XKR6: variants seen among roughly 807,000 people sequenced by gnomAD.
XKR6 encodes the protein XK related 6.
A neutral mutation model predicts 56.7 loss-of-function variants in XKR6; 22 were observed. The observed-to-expected ratio is 0.39, with a 90% confidence interval of 0.28 to 0.55. The LOEUF is 0.55. XKR6 is among the 20% of genes least tolerant of loss of function. The pLI, the probability that XKR6 is intolerant of heterozygous loss-of-function variation, is 0.66. For synonymous variants in XKR6, 524 were observed against 387.8 expected (o/e 1.35, Z -4.13); for missense variants, 852 against 889.0 (o/e 0.96, Z 0.53).
chr8:10,911,199 C>CATAT (rs1284455130), intron 2 of XKR6, among the ~76,000 whole-genome samples: 1 of 126,286 alleles, frequency 7.9e-6, no homozygotes, highest in Non-Finnish European at 1.7e-5. Flanking sequence ...AGAGGGTGTG[C>CATAT]GTGTGTGTGT....
intron 1 of XKR6, among the ~76,000 whole-genome samples, chr8:11,053,465 T>C (rs1316951580): frequency 6.6e-6 from 1 of 152,120 alleles, no homozygotes; most frequent in Non-Finnish European, 1.5e-5. Context: ...CTGCATCTCT[T>C]CCCCATTCCC....
chr8:11,094,254 T>A (rs909096605), intron 1 of XKR6, among the ~76,000 whole-genome samples: 3 of 152,174 alleles, frequency 2.0e-5, no homozygotes, highest in Admixed American at 2.0e-4. Context: ...TATGTATGTA[T>A]CTCGGCTCAC....
intron 1 of XKR6, among the ~76,000 whole-genome samples, chr8:10,986,407 T>C (rs1797864919): frequency 2.0e-5 from 3 of 152,174 alleles, no homozygotes; most frequent in African/African-American, 7.2e-5. Context: ...AATAAAAGGA[T>C]CTACAAATAT....
At chr8:10,899,783 C>T (rs113054211) in intron 2 of XKR6, among the ~76,000 whole-genome samples, 1 of 152,164 alleles carries the variant, frequency 6.6e-6, no homozygotes, top group Non-Finnish European at 1.5e-5. Flanking sequence ...CCTCCCACAA[C>T]GGGCAAATAT....
At chr8:11,071,208 T>C (rs1358684250) in intron 1 of XKR6, among the ~76,000 whole-genome samples, 1 of 152,186 alleles carries the variant, frequency 6.6e-6, no homozygotes, top group African/African-American at 2.4e-5. Flanking sequence ...TGTGTGGTCA[T>C]TGCTCAGCAT....
At chr8:11,124,492 T>C (rs1261033355) in intron 1 of XKR6, 1 of 162,424 alleles carries the variant, frequency 6.2e-6, no homozygotes, top group African/African-American at 2.4e-5. Flanking sequence ...CTCCATAGAA[T>C]TAGAATAAAA....
chr8:10,986,411 C>A (rs1797865015), intron 1 of XKR6, among the ~76,000 whole-genome samples: 2 of 151,460 alleles, frequency 1.3e-5, no homozygotes, highest in Non-Finnish European at 2.9e-5. Context: ...AAAGGATCTA[C>A]AAATATGGTT....
Position 10,897,938 on chromosome 8 carries a change from T to A in XKR6, c.*14A>T. ...CAAACTTAAGGTCCCCTTCTCAACTTGGTCAAGATGCTCTTAGAGTGAAGA... is the reference window on the plus strand; with the variant it reads ...CAAACTTAAGGTCCCCTTCTCAACTAGGTCAAGATGCTCTTAGAGTGAAGA... On this transcript the variant is annotated 3_prime_UTR_variant, in exon 3 of 3. Transcript: ENST00000416569. 1 of 1,537,480 alleles carries A rather than the reference T, an allele frequency of 6.5e-7. No homozygotes were observed. Among genetic ancestry groups the A allele is most frequent in the Non-Finnish European group, 8.7e-7 (1 of 1,142,900 alleles).
intron 1 of XKR6, among the ~76,000 whole-genome samples, chr8:10,984,025 G>C (rs1209828498): frequency 1.3e-5 from 2 of 152,030 alleles, no homozygotes; most frequent in Non-Finnish European, 2.9e-5. Context: ...TAAAACTATG[G>C]ACCAATCTTA....
intron 1 of XKR6, among the ~76,000 whole-genome samples, chr8:11,063,390 T>C (rs955301331): frequency 1.3e-5 from 2 of 151,764 alleles, no homozygotes; most frequent in Non-Finnish European, 2.9e-5. Context: ...CCTAGCTACT[T>C]GGGAGGCTGA....
intron 1 of XKR6, among the ~76,000 whole-genome samples, chr8:10,981,771 G>C (rs1797740585): frequency 6.6e-6 from 1 of 152,170 alleles, no homozygotes; most frequent in Non-Finnish European, 1.5e-5. Flanking sequence ...TCATATTCTA[G>C]CTTCAGTCTT....
intron 1 of XKR6, among the ~76,000 whole-genome samples, chr8:11,118,436 C>A (rs372488616): frequency 6.6e-6 from 1 of 152,144 alleles, no homozygotes; most frequent in Non-Finnish European, 1.5e-5. Context: ...ACCCTCTGGT[C>A]CTGGACTTTT....
intron 2 of XKR6, among the ~76,000 whole-genome samples, chr8:10,916,932 A>C (rs1024951957): frequency 3.9e-5 from 6 of 152,240 alleles, no homozygotes; most frequent in Non-Finnish European, 8.8e-5. Context: ...GAGAAAGAAG[A>C]AAACTAGCAA....
At chr8:11,174,459 G>A (rs957825594) in intron 1 of XKR6, among the ~76,000 whole-genome samples, 3 of 152,194 alleles carry the variant, frequency 2.0e-5, no homozygotes, top group Admixed American at 6.5e-5. Context: ...GCACCGCATC[G>A]ACTCCAACAC....
At chr8:11,026,158 GACACACCTAGATGGTCTAGCCTACT>G (rs1563353568) in intron 1 of XKR6, among the ~76,000 whole-genome samples, 3 of 149,262 alleles carry the variant, frequency 2.0e-5, no homozygotes, top group South Asian at 2.1e-4. Flanking sequence ...ACACACCTAC[GACACACCTAGATGGTCTAGCCTACT>G]ACACACCTAG....
chr8:10,936,108 G>A (rs1351804685), intron 1 of XKR6, among the ~76,000 whole-genome samples: 1 of 149,898 alleles, frequency 6.7e-6, no homozygotes, highest in South Asian at 2.1e-4. Context: ...TATATATTTA[G>A]GATAGTTAGC....
intron 1 of XKR6, chr8:11,137,671 G>T (rs1290483121): frequency 2.2e-6 from 1 of 456,212 alleles, no homozygotes. Flanking sequence ...ATGCAATGTG[G>T]AGCACAAGCA....
At chr8:11,114,334 C>T (rs1799056078) in intron 1 of XKR6, among the ~76,000 whole-genome samples, 2 of 152,124 alleles carry the variant, frequency 1.3e-5, no homozygotes, top group Admixed American at 1.3e-4. Flanking sequence ...ATATTTGATT[C>T]ATTTCCTGAG....
In XKR6 at chr8:11,200,528, AG is replaced by A. The variant is rs749301071; in HGVS notation, c.764+47del. ...GCCCCGCGAAGCACCGGGAGGGCGG[AG>A]GGGGGCTCCTCAGGGCCGGCCCGCC... On this transcript the variant is annotated intron_variant, in intron 1 of 2. Coordinates refer to ENST00000416569, the MANE Select transcript of XKR6 (RefSeq NM_173683.4). This position sits in a 1 kb window ranked among gnomAD's most constrained non-coding sequence, Gnocchi z 6.4. 6.4e-6 allele frequency: 9 copies of A among 1,407,250 alleles called. No individual in the cohort carries two copies. The highest frequency in any genetic ancestry group is 3.1e-5 in the Admixed American group (1 of 32,014). The allele number at this position is 1,407,250 out of a possible 1,614,324, so 87.2% of individuals were successfully genotyped here.
Sources: allele counts gnomAD v4.1 joint callset (sites outside exome capture counted in the v4.1 genomes callset), GRCh38; gene constraint gnomAD v4.1.1; non-coding constraint Gnocchi (gnomAD v3.1); transcripts MANE v1.5; gene names NCBI Gene and HGNC (gene_info 2026-07-23, HGNC 2026-07-21).